Variants in ACBD6 observed in about 807,000 individuals in gnomAD.
ACBD6 encodes acyl-CoA binding domain containing 6.
ACBD6 carries 28 observed loss-of-function variants against 37.2 expected under a neutral mutation model. The observed-to-expected ratio is 0.75, with a 90% CI of 0.56 to 1.03. The LOEUF (loss-of-function observed/expected upper bound fraction) is 1.03, where lower values mean the gene tolerates loss of function less well. Among genes scored for constraint, ACBD6 ranks in the 50% least tolerant of loss-of-function variants. The pLI is 0.00. For synonymous variants in ACBD6, 113 were observed against 126.8 expected (o/e 0.89, Z 0.73); for missense variants, 340 against 337.4 (o/e 1.01, Z -0.06).
chr1:180,373,959 T>C (rs1046772676), intron 6 of ACBD6, among the ~76,000 whole-genome samples: 4 of 152,152 alleles, frequency 2.6e-5, no homozygotes, highest in African/African-American at 9.7e-5. Flanking sequence ...AAAGAAAATA[T>C]TTAATTAGAA....
chr1:180,446,520 CA>C (rs1280735341), intron 3 of ACBD6, among the ~76,000 whole-genome samples: 1 of 152,032 alleles, frequency 6.6e-6, no homozygotes, highest in Non-Finnish European at 1.5e-5. Context: ...AATAGCTATT[CA>C]TTTCAAGTAG....
chr1:180,420,904 T>C (rs1274772616), intron 4 of ACBD6, among the ~76,000 whole-genome samples: 2 of 152,122 alleles, frequency 1.3e-5, no homozygotes, highest in African/African-American at 4.8e-5. Context: ...TGCTTCCTTC[T>C]CTCCCTTACT....
intron 3 of ACBD6, among the ~76,000 whole-genome samples, chr1:180,433,831 T>C (rs1264774075): frequency 6.6e-6 from 1 of 151,906 alleles, no homozygotes; most frequent in African/African-American, 2.4e-5. Flanking sequence ...TGATTGTGGG[T>C]CACAATCCCG....
At position 180,502,394 on chromosome 1, in the gene ACBD6, C is replaced by A. The variant is rs1422750844; in HGVS notation, c.-128G>T. 3.9e-6 allele frequency: 4 copies of A among 1,031,764 alleles called. No individual in the cohort carries two copies. The highest frequency in any genetic ancestry group is 5.9e-6 in the Non-Finnish European group (4 of 678,722). 63.9% of individuals were successfully genotyped at this position (1,031,764 alleles called of 1,614,324 possible). On this transcript the variant is annotated 5_prime_UTR_variant, in exon 1 of 8. Coordinates refer to ENST00000367595, the MANE Select transcript of ACBD6 (RefSeq NM_032360.4). ...AGCTCCAGTCGGACCCAAGCTCAGT[C>A]GCGGCGCGCTCCCTCACGTGACCCT...
chr1:180,277,735 T>TGAC (rs1649119832), intron 9 of ACBD6: 1 of 152,218 alleles, frequency 6.6e-6, no homozygotes, highest in South Asian at 2.1e-4. Context: ...TTGTCTCATC[T>TGAC]GACAGTTATG....
chr1:180,359,461 C>T (rs1652761675), intron 6 of ACBD6, among the ~76,000 whole-genome samples: 1 of 151,698 alleles, frequency 6.6e-6, no homozygotes, highest in Non-Finnish European at 1.5e-5. Flanking sequence ...ATCTAAAACC[C>T]CCTGTAAAAA....
chr1:180,399,096 G>A (rs1039775821), intron 5 of ACBD6, among the ~76,000 whole-genome samples: 23 of 151,998 alleles, frequency 1.5e-4, no homozygotes, highest in African/African-American at 5.6e-4. Context: ...TCATTTGCTT[G>A]ATTTACTTTT....
intron 6 of ACBD6, among the ~76,000 whole-genome samples, chr1:180,348,457 T>C (rs1035458455): frequency 2.0e-5 from 3 of 152,188 alleles, no homozygotes; most frequent in African/African-American, 7.2e-5. Flanking sequence ...TCAGGAGAAC[T>C]GAGGAAATGG....
At chr1:180,489,606 G>A (rs992244530) in intron 3 of ACBD6, among the ~76,000 whole-genome samples, 2 of 151,114 alleles carry the variant, frequency 1.3e-5, no homozygotes, top group Non-Finnish European at 2.9e-5. Context: ...TGTTCAATAG[G>A]TTAGATTTAG....
At chr1:180,453,865 C>G (rs541640610) in intron 3 of ACBD6, among the ~76,000 whole-genome samples, 2 of 152,258 alleles carry the variant, frequency 1.3e-5, no homozygotes, top group East Asian at 3.9e-4. Context: ...AAGAGAACTA[C>G]AAACCACTGC....
intron 7 of ACBD6, among the ~76,000 whole-genome samples, chr1:180,292,411 A>T (rs1649745171): frequency 6.6e-6 from 1 of 152,206 alleles, no homozygotes; most frequent in African/African-American, 2.4e-5. Flanking sequence ...TAAGAATTTC[A>T]TGTTTTTGAG....
At position 180,404,636 on chromosome 1, in the gene ACBD6, T is replaced by C. The variant is rs547395558; in HGVS notation, c.574-7031A>G. ...CCATGCTCAGCTAATTTTTGTATTT[T>C]TAGTAGAGATGGGGTTTCACTATGT... On this transcript the variant is annotated intron_variant, in intron 5 of 7. Coordinates refer to ENST00000367595, the MANE Select transcript of ACBD6 (RefSeq NM_032360.4). 1.7e-4 allele frequency among the ~76,000 whole-genome samples: 26 copies of C among 152,118 alleles called. No homozygotes were observed. In the South Asian group the frequency reaches 5.4e-3, roughly 32 times the overall value.
At position 180,304,571 on chromosome 1, in the gene ACBD6, G is replaced by A. The variant is rs560918766; in HGVS notation, c.694+10121C>T. Among the ~76,000 whole-genome samples, 430 of 150,642 alleles carry A rather than the reference G, an allele frequency of 2.9e-3. 2 individuals are homozygous for A. Among genetic ancestry groups the A allele is most frequent in the African/African-American group, 0.01 (416 of 41,362 alleles). ...GGGATGTGAAGGACCTCTTCAAGGA[G>A]AACTACAAACCACTGCTCAAGGAAA... is the stretch of plus-strand genomic sequence containing the variant. On this transcript the variant is annotated intron_variant, in intron 7 of 7. Coordinates refer to ENST00000367595, the MANE Select transcript of ACBD6 (RefSeq NM_032360.4).
intron 7 of ACBD6, among the ~76,000 whole-genome samples, chr1:180,292,079 G>C (rs1649729494): frequency 6.6e-6 from 1 of 152,046 alleles, no homozygotes; most frequent in African/African-American, 2.4e-5. Flanking sequence ...CTTGATTTCT[G>C]TACTTTATAG....
intron 7 of ACBD6, among the ~76,000 whole-genome samples, chr1:180,292,293 T>G (rs1649740505): frequency 6.6e-6 from 1 of 152,230 alleles, no homozygotes; most frequent in Admixed American, 6.5e-5. Context: ...CTGAGTCTTT[T>G]GATCCATGAA....
At chr1:180,394,514 T>C (rs1654191765) in intron 6 of ACBD6, among the ~76,000 whole-genome samples, 1 of 152,152 alleles carries the variant, frequency 6.6e-6, no homozygotes, top group South Asian at 2.1e-4. Context: ...TAGAAAGTAT[T>C]TTGAATGAGT....
intron 3 of ACBD6, among the ~76,000 whole-genome samples, chr1:180,485,004 G>GGGTTGCAGTGAGCGGC (rs1651205054): frequency 6.6e-6 from 1 of 151,732 alleles, no homozygotes; most frequent in Non-Finnish European, 1.5e-5. Flanking sequence ...CGGAAGGCGG[G>GGGTTGCAGTGAGCGGC]GGTTGCAGTG....
intron 6 of ACBD6, among the ~76,000 whole-genome samples, chr1:180,349,898 GTAAA>G (rs767450039): frequency 4.6e-4 from 70 of 151,416 alleles, no homozygotes; most frequent in Non-Finnish European, 7.8e-4. Context: ...ATAAAATCAC[GTAAA>G]TATTTTTTTT....
At chr1:180,339,811 A>G (rs1651906710) in intron 6 of ACBD6, among the ~76,000 whole-genome samples, 1 of 152,032 alleles carries the variant, frequency 6.6e-6, no homozygotes, top group African/African-American at 2.4e-5. Flanking sequence ...TAAGTAAAAT[A>G]TAGTATACTA....
Sources: gnomAD v4.1 joint callset for allele counts (sites outside exome capture counted in the v4.1 genomes callset) on GRCh38, gnomAD v4.1.1 for gene constraint, MANE v1.5 for transcripts, NCBI Gene and HGNC (gene_info 2026-07-23, HGNC 2026-07-21) for gene names.